RTN1: variants seen among roughly 807,000 people sequenced by gnomAD.
The protein encoded by RTN1 is reticulon-1.
In RTN1, 25 loss-of-function variants were observed where a neutral mutation model predicts 65.5. The ratio of observed to expected loss-of-function variants is 0.38; its 90% confidence interval spans 0.28 to 0.53. RTN1 has a LOEUF of 0.53. Among genes scored for constraint, RTN1 ranks in the 20% least tolerant of loss-of-function variants. The pLI, the probability that RTN1 is intolerant of heterozygous loss-of-function variation, is 0.79. For synonymous variants in RTN1, 471 were observed against 447.6 expected (o/e 1.05, Z -0.66); for missense variants, 983 against 1,025.4 (o/e 0.96, Z 0.57).
In RTN1 at chr14:59,596,058, C is replaced by A. The variant is rs1242416345; in HGVS notation, c.*687G>T. On this transcript the variant is annotated 3_prime_UTR_variant, in exon 9 of 9. Transcript: ENST00000267484. ...AATATCCAGAGTCCGTAATTGAATC[C>A]ATTAGGAACTACAGAGAAAGTAATA... 2 of 152,610 alleles carry A rather than the reference C, an allele frequency of 1.3e-5. No homozygotes were observed. The highest frequency in any genetic ancestry group is 2.9e-5 in the Non-Finnish European group (2 of 68,046). 9.5% of individuals were successfully genotyped at this position (152,610 alleles called of 1,614,324 possible).
chr14:59,857,625 T>C (rs1215148703), intron 1 of RTN1, among the ~76,000 whole-genome samples: 1 of 152,196 alleles, frequency 6.6e-6, no homozygotes, highest in Non-Finnish European at 1.5e-5. Context: ...ATTCCCATGG[T>C]TACTTATTAG....
chr14:59,767,015 G>C (rs541285072), intron 1 of RTN1, among the ~76,000 whole-genome samples: 2 of 152,228 alleles, frequency 1.3e-5, no homozygotes, highest in South Asian at 4.1e-4. Flanking sequence ...TGGTCCCATG[G>C]AGGACAGAAC....
intron 3 of RTN1, among the ~76,000 whole-genome samples, chr14:59,648,304 T>G (rs780209857): frequency 4.6e-5 from 7 of 152,132 alleles, no homozygotes; most frequent in Non-Finnish European, 7.4e-5. Context: ...TAATAAATAG[T>G]CTATCAACCA....
chr14:59,640,805 A>G (rs1882760750), intron 3 of RTN1, among the ~76,000 whole-genome samples: 1 of 152,076 alleles, frequency 6.6e-6, no homozygotes, highest in Admixed American at 6.5e-5. Flanking sequence ...TTCATTTTAA[A>G]GAATAAAATT....
At chr14:59,799,917 C>G (rs1886509065) in intron 1 of RTN1, among the ~76,000 whole-genome samples, 1 of 152,110 alleles carries the variant, frequency 6.6e-6, no homozygotes, top group African/African-American at 2.4e-5. Context: ...AAAAGACTTC[C>G]CTTTAAGATC....
intron 1 of RTN1, among the ~76,000 whole-genome samples, chr14:59,753,944 G>A (rs1885582312): frequency 6.6e-6 from 1 of 152,184 alleles, no homozygotes; most frequent in South Asian, 2.1e-4. Context: ...AATTCATGCA[G>A]AGGCAAATGT....
In RTN1 at chr14:59,774,445, A is replaced by C. The variant is rs1886014167; in HGVS notation, c.242-27964T>G. Among the ~76,000 whole-genome samples, 1 of 152,168 alleles carries C rather than the reference A, an allele frequency of 6.6e-6. No homozygotes were observed. Among genetic ancestry groups the C allele is most frequent in the Non-Finnish European group, 1.5e-5 (1 of 68,028 alleles). ...GTTGCCTGCTGTTCTAGCTGTGTCAACACGGGCAAAATTGAGAGCTGAAGT... is the reference window on the plus strand; with the variant it reads ...GTTGCCTGCTGTTCTAGCTGTGTCACCACGGGCAAAATTGAGAGCTGAAGT... On this transcript the variant is annotated intron_variant, in intron 1 of 8. Coordinates refer to ENST00000267484, the MANE Select transcript of RTN1 (RefSeq NM_021136.3). The surrounding 1 kb of genome is among the most constrained non-coding windows in gnomAD (Gnocchi z 5.1).
chr14:59,768,845 A>G (rs1188780897), intron 1 of RTN1, among the ~76,000 whole-genome samples: 1 of 152,212 alleles, frequency 6.6e-6, no homozygotes, highest in South Asian at 2.1e-4. Context: ...AATCTTTAAA[A>G]TGACCCTATA....
At chr14:59,654,476 T>C (rs1346382542) in intron 3 of RTN1, among the ~76,000 whole-genome samples, 2 of 149,050 alleles carry the variant, frequency 1.3e-5, no homozygotes, top group African/African-American at 4.9e-5. Context: ...CATCTCACTC[T>C]GTAAGGTCAC....
chr14:59,864,092 CT>C lies in RTN1; in HGVS notation c.241+6297del, dbSNP rs1566752233. ...GAGTCATTAAACTTAAAACTGAACT[CT>C]AAATATGTTCCTTCTCTATTTAACA... On this transcript the variant is annotated intron_variant, in intron 1 of 8. Coordinates refer to ENST00000267484, the MANE Select transcript of RTN1 (RefSeq NM_021136.3). Among the ~76,000 whole-genome samples the C allele has an allele frequency of 2.0e-5, 3 of 152,164 alleles. No homozygotes were observed. In the South Asian group the frequency reaches 6.2e-4, roughly 31 times the overall value.
Position 59,819,411 on chromosome 14 carries a change from ACCACCCCCCCCCCACCCCCCAC to A in RTN1, c.241+50957_241+50978del, listed in dbSNP as rs1566737456. Among the ~76,000 whole-genome samples, 103 of 12,712 alleles carry A rather than the reference ACCACCCCCCCCCCACCCCCCAC, an allele frequency of 8.1e-3. 9 individuals are homozygous for A. Among genetic ancestry groups the A allele is most frequent in the Middle Eastern group, 0.031 (1 of 32 alleles). 8.3% of individuals were successfully genotyped at this position (12,712 alleles called of 152,430 possible). On this transcript the variant is annotated intron_variant, in intron 1 of 8. Transcript: ENST00000267484. ...AGCTGATTGGTGCATCCACACCACC[ACCACCCCCCCCCCACCCCCCAC>A]CCCCCCCCCCCGGCCACAGCTAGAC...
chr14:59,832,815 C>A (rs185563516), intron 1 of RTN1, among the ~76,000 whole-genome samples: 4 of 152,308 alleles, frequency 2.6e-5, no homozygotes, highest in Admixed American at 2.6e-4. Flanking sequence ...TCTACAGTGA[C>A]CTCTGCCTTA....
At chr14:59,777,996 T>A (rs1055986869) in intron 1 of RTN1, among the ~76,000 whole-genome samples, 1 of 152,106 alleles carries the variant, frequency 6.6e-6, no homozygotes, top group African/African-American at 2.4e-5. Flanking sequence ...AAGCACACTG[T>A]GTTGCTTTAA....
At chr14:59,667,199 G>A (rs939970735) in intron 3 of RTN1, among the ~76,000 whole-genome samples, 5 of 152,068 alleles carry the variant, frequency 3.3e-5, no homozygotes, top group African/African-American at 1.2e-4. Flanking sequence ...ACATCAATGT[G>A]AAAATCCTCA....
chr14:59,807,515 T>C (rs1445250026), intron 1 of RTN1, among the ~76,000 whole-genome samples: 1 of 152,222 alleles, frequency 6.6e-6, no homozygotes. Flanking sequence ...GAAACCTTTC[T>C]GGACTTTCCT....
intron 3 of RTN1, among the ~76,000 whole-genome samples, chr14:59,646,109 T>C (rs1253800347): frequency 1.3e-5 from 2 of 152,108 alleles, no homozygotes; most frequent in Admixed American, 6.5e-5. Flanking sequence ...ATAGCCAGTA[T>C]AAAAGAACTC....
chr14:59,851,314 G>A (rs1304149420), intron 1 of RTN1, among the ~76,000 whole-genome samples: 2 of 152,178 alleles, frequency 1.3e-5, no homozygotes, highest in Non-Finnish European at 2.9e-5. Flanking sequence ...CAGAATGGCA[G>A]AGAATTTCAT....
chr14:59,624,587 G>A (rs903990793), intron 3 of RTN1, among the ~76,000 whole-genome samples: 8 of 151,654 alleles, frequency 5.3e-5, no homozygotes, highest in Admixed American at 4.6e-4. Flanking sequence ...TCAGCCTCCC[G>A]AGTAGTTAGG....
chr14:59,625,269 A>G (rs1320704045), intron 3 of RTN1, among the ~76,000 whole-genome samples: 1 of 152,230 alleles, frequency 6.6e-6, no homozygotes, highest in Non-Finnish European at 1.5e-5. Flanking sequence ...GAGAACAATA[A>G]TAGATTTGAA....
Sources: allele counts gnomAD v4.1 joint callset (sites outside exome capture counted in the v4.1 genomes callset), GRCh38; gene constraint gnomAD v4.1.1; non-coding constraint Gnocchi (gnomAD v3.1); transcripts MANE v1.5; gene names NCBI Gene and HGNC (gene_info 2026-07-23, HGNC 2026-07-21).